Variants in MYRIP observed in about 807,000 individuals in gnomAD.
MYRIP encodes rab effector MyRIP.
In MYRIP, 49 loss-of-function variants were observed where a neutral mutation model predicts 98.0. The ratio of observed to expected loss-of-function variants is 0.50; its 90% confidence interval spans 0.40 to 0.63. MYRIP has a LOEUF of 0.63. MYRIP is among the 30% of genes least tolerant of loss of function. The pLI, the probability that MYRIP is intolerant of heterozygous loss-of-function variation, is 0.00. For synonymous variants in MYRIP, 404 were observed against 409.5 expected (o/e 0.99, Z 0.16); for missense variants, 1,004 against 1,058.2 (o/e 0.95, Z 0.71).
rs550850938 is a variant in MYRIP at position 40,193,253 on chromosome 3, T to C, written c.1665+2790T>C. Reference sequence around the variant, plus strand: ...TCTATCCAGGGTGTGCAATAGGGGATGCATTGTCTGTGGAGAATGTTAAAA... The same window carrying C: ...TCTATCCAGGGTGTGCAATAGGGGACGCATTGTCTGTGGAGAATGTTAAAA... On this transcript the variant is annotated intron_variant, in intron 10 of 16. Transcript: ENST00000302541. 3.9e-4 allele frequency among the ~76,000 whole-genome samples: 60 copies of C among 152,178 alleles called. 2 individuals carry two copies. Among genetic ancestry groups the C allele is most frequent in the Non-Finnish European group, 3.4e-4 (23 of 68,032 alleles).
chr3:39,844,193 G>T (rs1441919017), intron 1 of MYRIP, among the ~76,000 whole-genome samples: 1 of 152,106 alleles, frequency 6.6e-6, no homozygotes, highest in Non-Finnish European at 1.5e-5. Flanking sequence ...ATTCACCATG[G>T]TGTTAGCTAC....
intron 3 of MYRIP, among the ~76,000 whole-genome samples, chr3:40,138,944 C>G (rs1321969096): frequency 1.3e-5 from 2 of 152,174 alleles, no homozygotes; most frequent in African/African-American, 2.4e-5. Context: ...AATTTTGTAT[C>G]TTTTAATAAG....
At chr3:39,815,458 C>A (rs1204547480) in intron 1 of MYRIP, among the ~76,000 whole-genome samples, 2 of 151,942 alleles carry the variant, frequency 1.3e-5, no homozygotes, top group Non-Finnish European at 2.9e-5. Flanking sequence ...ATCTTAGTAT[C>A]CCTTCATTAG....
In MYRIP at chr3:40,116,345, AACAC is replaced by A. The variant is rs1044509159; in HGVS notation, c.333-34694_333-34691del. ...CAAGGAACAACTTACATTGCCCCCC[AACAC>A]ACACACACCTAGCAGCATAAGACAC... On this transcript the variant is annotated intron_variant, in intron 3 of 16. Coordinates refer to ENST00000302541, the MANE Select transcript of MYRIP (RefSeq NM_015460.4). 2.0e-5 allele frequency among the ~76,000 whole-genome samples: 3 copies of A among 151,996 alleles called. No homozygotes were observed. The South Asian group carries it at 6.2e-4, about 32-fold the overall frequency.
intron 1 of MYRIP, among the ~76,000 whole-genome samples, chr3:39,884,068 C>A (rs1285062927): frequency 1.3e-5 from 2 of 152,118 alleles, no homozygotes; most frequent in East Asian, 3.9e-4. Context: ...AAAATCAAAG[C>A]AGAATCCTTA....
intron 2 of MYRIP, among the ~76,000 whole-genome samples, chr3:40,037,561 T>G (rs191581872): frequency 6.6e-6 from 1 of 152,044 alleles, no homozygotes; most frequent in Non-Finnish European, 1.5e-5. Flanking sequence ...TCTTTCAGGA[T>G]ACATATCCCC....
intron 3 of MYRIP, among the ~76,000 whole-genome samples, chr3:40,150,061 A>G (rs1014972032): frequency 1.1e-4 from 17 of 152,150 alleles, no homozygotes; most frequent in African/African-American, 4.1e-4. Flanking sequence ...CAGGCATAAA[A>G]GAGAAGAATC....
chr3:40,007,478 A>C (rs1376265509), intron 2 of MYRIP, among the ~76,000 whole-genome samples: 2 of 152,178 alleles, frequency 1.3e-5, no homozygotes, highest in Non-Finnish European at 2.9e-5. Context: ...TCTCCTCATC[A>C]GTGTGCACAG....
At chr3:39,891,655 C>A (rs1943491304) in intron 1 of MYRIP, among the ~76,000 whole-genome samples, 1 of 152,080 alleles carries the variant, frequency 6.6e-6, no homozygotes, top group Non-Finnish European at 1.5e-5. Flanking sequence ...TGCATCAGTT[C>A]ATCTCTCTAC....
At chr3:40,014,570 C>T (rs1170247271) in intron 2 of MYRIP, among the ~76,000 whole-genome samples, 1 of 152,156 alleles carries the variant, frequency 6.6e-6, no homozygotes, top group Non-Finnish European at 1.5e-5. Context: ...GACAGTCATC[C>T]CTCCACTGTG....
At chr3:40,198,607 C>A (rs187722692) in intron 10 of MYRIP, among the ~76,000 whole-genome samples, 4 of 152,262 alleles carry the variant, frequency 2.6e-5, no homozygotes, top group African/African-American at 4.8e-5. Context: ...TTGCCAGATA[C>A]CATTTTGAAA....
chr3:40,108,730 G>A (rs1949101071), intron 3 of MYRIP, among the ~76,000 whole-genome samples: 1 of 152,164 alleles, frequency 6.6e-6, no homozygotes, highest in Non-Finnish European at 1.5e-5. Context: ...ATTATTTAAG[G>A]AGGGAGTGGG....
At chr3:40,166,805 A>C in intron 5 of MYRIP, 41 bp from the exon 6 acceptor site, 10 of 1,319,308 alleles carry the variant, frequency 7.6e-6, no homozygotes, top group Non-Finnish European at 1.1e-5. Context: ...TTTACTCATC[A>C]TTCCCTTTTA....
At chr3:40,016,839 G>A (rs1462839899) in intron 2 of MYRIP, among the ~76,000 whole-genome samples, 1 of 152,210 alleles carries the variant, frequency 6.6e-6, no homozygotes, top group Non-Finnish European at 1.5e-5. Flanking sequence ...GTCACAGATT[G>A]CCATATATCA....
intron 2 of MYRIP, among the ~76,000 whole-genome samples, chr3:40,016,385 G>T (rs941069150): frequency 2.6e-5 from 4 of 152,072 alleles, no homozygotes; most frequent in Admixed American, 6.6e-5. Context: ...TCAACCAGTC[G>T]TCCTCCACCA....
chr3:39,894,378 A>G (rs981955160), intron 1 of MYRIP, among the ~76,000 whole-genome samples: 5 of 152,148 alleles, frequency 3.3e-5, no homozygotes, highest in African/African-American at 9.7e-5. Context: ...ACTTTATACA[A>G]TTGGGATCAT....
intron 4 of MYRIP, among the ~76,000 whole-genome samples, chr3:40,152,753 G>C (rs142055002): frequency 5.7e-4 from 87 of 152,222 alleles, no homozygotes; most frequent in African/African-American, 2.0e-3. Flanking sequence ...TTGTTTATCT[G>C]TGTTCTCAAA....
At chr3:39,850,387 TA>T (rs1942096157) in intron 1 of MYRIP, among the ~76,000 whole-genome samples, 1 of 152,194 alleles carries the variant, frequency 6.6e-6, no homozygotes, top group South Asian at 2.1e-4. Flanking sequence ...GAACAAAATT[TA>T]TCCTGGGTCC....
intron 10 of MYRIP, among the ~76,000 whole-genome samples, chr3:40,202,048 A>G (rs1396148383): frequency 6.6e-6 from 1 of 152,192 alleles, no homozygotes; most frequent in African/African-American, 2.4e-5. Flanking sequence ...TGAGTGCCCT[A>G]GAGTCGTTTA....
Sources: gnomAD v4.1 joint callset for allele counts (sites outside exome capture counted in the v4.1 genomes callset) on GRCh38, gnomAD v4.1.1 for gene constraint, MANE v1.5 for transcripts, NCBI Gene and HGNC (gene_info 2026-07-23, HGNC 2026-07-21) for gene names.